Variants in KIF23 observed in about 807,000 individuals in gnomAD.
KIF23 encodes kinesin family member 23.
In KIF23, 30 loss-of-function variants were observed where a neutral mutation model predicts 137.5. That is an observed-to-expected ratio of 0.22 (90% CI 0.16 to 0.30). KIF23 has a LOEUF of 0.30. KIF23 is among the 10% of genes least tolerant of loss of function. The pLI is 1.00. For missense variants in KIF23, 920 were observed against 1,194.3 expected (o/e 0.77, Z 3.38); for synonymous variants, 367 against 391.1 (o/e 0.94, Z 0.73).
chr15:69,429,102 T>C lies in KIF23; in HGVS notation c.1012-9T>C. ...CCATTTTAAGTTATTGGCTTTGTGA[T>C]CTTTTTAGGAAAAAGAACAAATCAC... On this transcript the variant is annotated splice_polypyrimidine_tract_variant and intron_variant, in intron 10 of 23. Coordinates refer to ENST00000679126, the MANE Select transcript of KIF23 (RefSeq NM_001367805.3). The C allele has an allele frequency of 6.3e-7, 1 of 1,589,328 alleles. No individual in the cohort carries two copies. Among genetic ancestry groups the C allele is most frequent in the Non-Finnish European group, 8.6e-7 (1 of 1,162,442 alleles).
Position 69,435,517 on chromosome 15 carries a change from A to T in KIF23, c.1149A>T (p.Thr383=). 1 of 1,614,098 alleles carries T rather than the reference A, an allele frequency of 6.2e-7. No individual in the cohort carries two copies. The highest frequency in any genetic ancestry group is 8.5e-7 in the Non-Finnish European group (1 of 1,179,958). The change falls in exon 12 of 24, where the codon ACA becomes ACT. Residue 383 remains threonine (T), a synonymous_variant. Transcript: ENST00000679126. ...ATCAGTCACTAATGACGCTAAGAACATGTATGGATGTCCTAAGAGAGAACC... is the reference window on the plus strand; with the variant it reads ...ATCAGTCACTAATGACGCTAAGAACTTGTATGGATGTCCTAAGAGAGAACC... ...NINQSLMTLR[T]CMDVLRENQM...
intron 3 of KIF23, among the ~76,000 whole-genome samples, chr15:69,420,317 A>G (rs763492160): frequency 2.6e-5 from 4 of 152,094 alleles, no homozygotes; most frequent in Non-Finnish European, 5.9e-5. Context: ...TTTGATACTA[A>G]TTAACTCCAT....
Position 69,414,363 on chromosome 15 carries a change from C to G in KIF23, c.-103C>G. The G allele has an allele frequency of 1.3e-6, 2 of 1,500,374 alleles. No homozygotes were observed. Among genetic ancestry groups the G allele is most frequent in the Non-Finnish European group, 1.8e-6 (2 of 1,110,008 alleles). 92.9% of individuals were successfully genotyped at this position (1,500,374 alleles called of 1,614,324 possible). A position where few individuals can be genotyped will look rare whatever the true frequency, so the allele number is the denominator to read the frequency against. On this transcript the variant is annotated 5_prime_UTR_variant, in exon 1 of 24. Transcript: ENST00000679126. ...CCGCCGGCTTCGCAGAGCACCGCGC[C>G]TTAGCCGCGAAGTTCTAGTTCTTGC...
intron 11 of KIF23, among the ~76,000 whole-genome samples, chr15:69,433,530 C>G (rs1376696483): frequency 6.6e-6 from 1 of 152,106 alleles, no homozygotes; most frequent in Non-Finnish European, 1.5e-5. Flanking sequence ...CCTCTAGATG[C>G]AGCAAGAGCT....
At chr15:69,417,772 T>A (rs1366543705) in intron 3 of KIF23, among the ~76,000 whole-genome samples, 2 of 152,246 alleles carry the variant, frequency 1.3e-5, no homozygotes, top group Admixed American at 1.3e-4. Context: ...GTGTTAGGGA[T>A]GATTTAATGT....
chr15:69,438,862 G>T (rs574112603), intron 16 of KIF23, among the ~76,000 whole-genome samples: 6 of 152,092 alleles, frequency 3.9e-5, no homozygotes, highest in African/African-American at 1.4e-4. Flanking sequence ...TCAGCACATT[G>T]GGAGGCCAAG....
At chr15:69,420,683 A>G (rs890896048) in intron 3 of KIF23, among the ~76,000 whole-genome samples, 3 of 152,058 alleles carry the variant, frequency 2.0e-5, no homozygotes, top group African/African-American at 7.2e-5. Context: ...TTTATTTTAT[A>G]TGTCTTTTTT....
At chr15:69,421,324 G>C (rs557298160) in intron 3 of KIF23, among the ~76,000 whole-genome samples, 2 of 152,234 alleles carry the variant, frequency 1.3e-5, no homozygotes, top group South Asian at 4.1e-4. Context: ...GGAGGCAGAG[G>C]TTGCAGTGAG....
chr15:69,425,332 T>A lies in KIF23; in HGVS notation c.776+9T>A. On this transcript the variant is annotated intron_variant, in intron 8 of 23. Transcript: ENST00000679126. ...AGGAACACAGATTTTGTGTATGTGA[T>A]GGTGTTGGCTCTTTTCTTAAGGAGA... 1 of 1,535,386 alleles carries A rather than the reference T, an allele frequency of 6.5e-7. No individual in the cohort carries two copies. Among genetic ancestry groups the A allele is most frequent in the Non-Finnish European group, 8.7e-7 (1 of 1,146,280 alleles).
intron 22 of KIF23, 84 bp from the exon 23 acceptor site, chr15:69,446,787 C>G (rs1217548862): frequency 5.1e-5 from 60 of 1,183,326 alleles, no homozygotes; most frequent in Non-Finnish European, 7.4e-5. Flanking sequence ...TGCATTTCAC[C>G]TAGGTGTGGA....
chr15:69,445,715 T>C (rs2057726843), intron 20 of KIF23, among the ~76,000 whole-genome samples: 1 of 152,158 alleles, frequency 6.6e-6, no homozygotes, highest in South Asian at 2.1e-4. Context: ...GCAAATTTCT[T>C]GATCCTTAGT....
chr15:69,422,418 A>G lies in KIF23; in HGVS notation c.546A>G (p.Pro182=), dbSNP rs577581008. 1.7e-5 allele frequency: 27 copies of G among 1,593,304 alleles called. No homozygotes were observed. Among genetic ancestry groups the G allele is most frequent in the South Asian group, 8.8e-5 (8 of 90,672 alleles). ...ERQKREAMPN[P]KTSSSKRQVD... ...AGAAAAGAGAAGCTATGCCCAATCCAAAGACTTCTTCTAGCAAGTAAGTAA... is the reference window on the plus strand; with the variant it reads ...AGAAAAGAGAAGCTATGCCCAATCCGAAGACTTCTTCTAGCAAGTAAGTAA... The change falls in exon 6 of 24, where the codon CCA becomes CCG. Residue 182 remains proline, a synonymous_variant. Coordinates refer to ENST00000679126, the MANE Select transcript of KIF23 (RefSeq NM_001367805.3).
chr15:69,444,563 T>C lies in KIF23; in HGVS notation c.2422-227T>C, dbSNP rs1463953851. On this transcript the variant is annotated intron_variant, in intron 19 of 23. Coordinates refer to ENST00000679126, the MANE Select transcript of KIF23 (RefSeq NM_001367805.3). This position sits in a 1 kb window ranked among gnomAD's most constrained non-coding sequence, Gnocchi z 4.2. ...AGCATTACCAGAATTTTTTCTTTTA[T>C]CCTTTATTGAAAGGGAAACTCCCAG... The C allele has an allele frequency of 2.0e-6, 1 of 500,420 alleles. No individual in the cohort carries two copies. The highest frequency in any genetic ancestry group is 3.5e-6 in the Non-Finnish European group (1 of 286,720). 31.0% of individuals were successfully genotyped at this position (500,420 alleles called of 1,614,324 possible).
intron 15 of KIF23, 36 bp downstream of exon 15, chr15:69,436,758 TTA>T (rs1348298505): frequency 3.0e-6 from 4 of 1,354,712 alleles, no homozygotes; most frequent in East Asian, 2.7e-5. Context: ...TTTTATTTAA[TTA>T]TTTTTTTTTT....
intron 7 of KIF23, among the ~76,000 whole-genome samples, chr15:69,423,754 T>C (rs1424452676): frequency 6.6e-6 from 1 of 152,246 alleles, no homozygotes; most frequent in Non-Finnish European, 1.5e-5. Context: ...ATACAAGTAA[T>C]ACTTACATAT....
chr15:69,429,936 G>GA (rs1432632380), intron 11 of KIF23, among the ~76,000 whole-genome samples: 2 of 152,064 alleles, frequency 1.3e-5, no homozygotes, highest in African/African-American at 4.8e-5. Flanking sequence ...AGAATTGCTT[G>GA]AGCCCTGGAG....
At chr15:69,446,737 G>A (rs1227330011) in intron 22 of KIF23, 134 bp from the exon 23 acceptor site, 2 of 827,198 alleles carry the variant, frequency 2.4e-6, no homozygotes, top group Non-Finnish European at 2.1e-6. Flanking sequence ...AGTGACTGGT[G>A]TTTTAACGTA....
At chr15:69,424,130 A>G (rs776965375) in intron 7 of KIF23, among the ~76,000 whole-genome samples, 1 of 152,222 alleles carries the variant, frequency 6.6e-6, no homozygotes, top group Non-Finnish European at 1.5e-5. Context: ...GACTGAGAAT[A>G]CATACCAGTA....
At chr15:69,421,523 A>G (rs972721977) in intron 3 of KIF23, 124 bp from the exon 4 acceptor site, 6 of 618,246 alleles carry the variant, frequency 9.7e-6, no homozygotes, top group Non-Finnish European at 1.7e-5. Context: ...TAAAAAGACC[A>G]TTTATATTTT....
Sources: allele counts gnomAD v4.1 joint callset (sites outside exome capture counted in the v4.1 genomes callset), GRCh38; gene constraint gnomAD v4.1.1; non-coding constraint Gnocchi (gnomAD v3.1); transcripts MANE v1.5; gene names NCBI Gene and HGNC (gene_info 2026-07-23, HGNC 2026-07-21).